ZNF66: variants seen among roughly 807,000 people sequenced by gnomAD.
The protein encoded by ZNF66 is putative zinc finger protein 66.
A neutral mutation model predicts 35.2 loss-of-function variants in ZNF66; 32 were observed. That is an observed-to-expected ratio of 0.91 (90% CI 0.69 to 1.22). The LOEUF (loss-of-function observed/expected upper bound fraction) is 1.22, where lower values mean the gene tolerates loss of function less well. ZNF66 is among the 50% of genes most tolerant of loss of function. The probability of loss-of-function intolerance (pLI) is 0.00; values close to 1 mark genes in which losing one functional copy is unlikely to be tolerated. For synonymous variants in ZNF66, 231 were observed against 181.3 expected, an observed-to-expected ratio of 1.27 and a Z score of -2.20; for missense variants, 666 against 543.1, an observed-to-expected ratio of 1.23 and a Z score of -2.25.
At chr19:20,789,105 T>C (rs773940712) in intron 1 of ZNF66, among the ~76,000 whole-genome samples, 2 of 152,030 alleles carry the variant, frequency 1.3e-5, no homozygotes, top group Non-Finnish European at 2.9e-5. Flanking sequence ...TTAAATTGCG[T>C]ATTAGTATGT....
At chr19:20,794,150 T>G in intron 3 of ZNF66, 1 of 541,772 alleles carries the variant, frequency 1.8e-6, no homozygotes, top group Non-Finnish European at 3.4e-6. Context: ...GTCCTCTTCA[T>G]GACATATAAG....
chr19:20,792,264 C>G (rs1971344822), intron 1 of ZNF66, among the ~76,000 whole-genome samples: 1 of 148,232 alleles, frequency 6.7e-6, no homozygotes, highest in Non-Finnish European at 1.5e-5. Flanking sequence ...TGTTCATGCC[C>G]TTAATTTTAT....
At chr19:20,800,820 G>A (rs930920032) in intron 3 of ZNF66, among the ~76,000 whole-genome samples, 1 of 152,018 alleles carries the variant, frequency 6.6e-6, no homozygotes, top group Non-Finnish European at 1.5e-5. Context: ...CTCAAGTATT[G>A]CTCTATATGC....
At position 20,808,026 on chromosome 19, in the gene ZNF66, C is replaced by T. The variant is rs1482361846; in HGVS notation, c.*704C>T. On this transcript the variant is annotated 3_prime_UTR_variant, in exon 4 of 4. Transcript: ENST00000344519. ...CTCCCACCCTAATACTGCGCAATTC[C>T]AATGGGCTTAAAAAATGGCACACCA... Among the ~76,000 whole-genome samples, 2 of 152,168 alleles carry T rather than the reference C, an allele frequency of 1.3e-5. No homozygotes were observed. Among genetic ancestry groups the T allele is most frequent in the Non-Finnish European group, 1.5e-5 (1 of 68,028 alleles).
intron 1 of ZNF66, among the ~76,000 whole-genome samples, chr19:20,778,928 G>A (rs1401062278): frequency 6.6e-6 from 1 of 151,738 alleles, no homozygotes; most frequent in Non-Finnish European, 1.5e-5. Context: ...CTTGAACCTA[G>A]TGACTCCAAG....
Position 20,792,633 on chromosome 19 carries a change from T to C in ZNF66, c.125T>C (p.Phe42Ser). 7.1e-7 allele frequency: 1 copy of C among 1,411,120 alleles called. No homozygotes were observed. The highest frequency in any genetic ancestry group is 9.9e-7 in the Non-Finnish European group (1 of 1,011,932). 87.4% of individuals were successfully genotyped at this position (1,411,120 alleles called of 1,614,324 possible). Residue 42 changes from phenylalanine (F) to serine (S), a missense_variant, in exon 2 of 4, where the codon TTT (phenylalanine) becomes TCT (serine). By Grantham distance (155) the Phe-to-Ser change is radical (BLOSUM62 -2). Coordinates refer to ENST00000344519, the MANE Select transcript of ZNF66 (RefSeq NM_001355197.2). The part of the protein sequence containing the change: ...VMLENYRNLV[F>S]LGIVVSKPDL... ...TTAGAGAACTACAGAAACCTGGTCT[T>C]TCTTGGTGAGAAAAACTTTAATACA...
intron 3 of ZNF66, among the ~76,000 whole-genome samples, chr19:20,798,754 T>G (rs947912725): frequency 7.2e-5 from 11 of 152,182 alleles, no homozygotes; most frequent in African/African-American, 2.4e-4. Context: ...ACTTAAGATA[T>G]CTCATATAAG....
chr19:20,788,120 G>T (rs1258534722), intron 1 of ZNF66, among the ~76,000 whole-genome samples: 1 of 152,178 alleles, frequency 6.6e-6, no homozygotes, highest in Non-Finnish European at 1.5e-5. Context: ...CCAGATGAGA[G>T]TTTCTCCAGT....
chr19:20,803,024 A>G (rs766378432), intron 3 of ZNF66, among the ~76,000 whole-genome samples: 3 of 151,504 alleles, frequency 2.0e-5, no homozygotes, highest in Non-Finnish European at 4.4e-5. Context: ...AGCTTGTGTA[A>G]TATTATTTTG....
rs142052913 is a variant in ZNF66 at position 20,797,189 on chromosome 19, A to ATT, written c.226+3346_226+3347dup. 3.9e-3 allele frequency among the ~76,000 whole-genome samples: 177 copies of ATT among 45,468 alleles called. 55 individuals are homozygous for ATT. The highest frequency in any genetic ancestry group is 0.034 in the Middle Eastern group (2 of 58). The allele number at this position is 45,468 out of a possible 152,430, so 29.8% of individuals were successfully genotyped here. On this transcript the variant is annotated intron_variant, in intron 3 of 3. Coordinates refer to ENST00000344519, the MANE Select transcript of ZNF66 (RefSeq NM_001355197.2). Reference sequence around the variant, plus strand: ...ATAATGCATCAATGTTGCATGCTAGATTTTTTTTTTTTTTTTTTTTTTTTT... The same window carrying ATT: ...ATAATGCATCAATGTTGCATGCTAGATTTTTTTTTTTTTTTTTTTTTTTTTTT...
chr19:20,785,449 T>C (rs1171885545), intron 1 of ZNF66, among the ~76,000 whole-genome samples: 1 of 152,228 alleles, frequency 6.6e-6, no homozygotes, highest in Non-Finnish European at 1.5e-5. Context: ...TCTGAAGATG[T>C]GGAAAGTTTA....
At chr19:20,801,148 C>T (rs1971443887) in intron 3 of ZNF66, among the ~76,000 whole-genome samples, 1 of 151,214 alleles carries the variant, frequency 6.6e-6, no homozygotes, top group South Asian at 2.1e-4. Flanking sequence ...ATAATTATGA[C>T]CACCTTACTC....
At chr19:20,798,431 C>G (rs4389267) in intron 3 of ZNF66, among the ~76,000 whole-genome samples, 57,527 of 151,514 alleles carry the variant, frequency 0.38, 11,539 homozygotes, top group East Asian at 0.46. Context: ...AGACTCTCCT[C>G]TATAAAAAAA....
chr19:20,777,636 A>G (rs1389300368), intron 1 of ZNF66, among the ~76,000 whole-genome samples: 5 of 151,404 alleles, frequency 3.3e-5, no homozygotes, highest in Middle Eastern at 3.2e-3. Flanking sequence ...TATTATTATT[A>G]TTATTTTTTG....
At chr19:20,780,987 A>C (rs1971240570) in intron 1 of ZNF66, among the ~76,000 whole-genome samples, 1 of 152,120 alleles carries the variant, frequency 6.6e-6, no homozygotes, top group Non-Finnish European at 1.5e-5. Context: ...TTTTGACCCT[A>C]GTGTTTCTTG....
chr19:20,784,164 A>G (rs1345872335), intron 1 of ZNF66, among the ~76,000 whole-genome samples: 1 of 152,176 alleles, frequency 6.6e-6, no homozygotes, highest in African/African-American at 2.4e-5. Context: ...TTTCTACAAT[A>G]TTATGAATAT....
At position 20,797,189 on chromosome 19, in the gene ZNF66, ATTTTTTTTTTTTTTTTT is replaced by A. The variant is rs142052913; in HGVS notation, c.226+3331_226+3347del. Among the ~76,000 whole-genome samples the A allele has an allele frequency of 3.1e-3, 140 of 45,484 alleles. 7 individuals are homozygous for A. The South Asian group carries it at 0.065, about 21-fold the overall frequency. 29.8% of individuals were successfully genotyped at this position (45,484 alleles called of 152,430 possible). A position where few individuals can be genotyped will look rare whatever the true frequency, so the allele number is the denominator to read the frequency against. The stretch of plus-strand genomic sequence containing the variant: ...ATAATGCATCAATGTTGCATGCTAG[ATTTTTTTTTTTTTTTTT>A]TTTTTTTTTTTTTTTTTTTGAGACG... On this transcript the variant is annotated intron_variant, in intron 3 of 3. Coordinates refer to ENST00000344519, the MANE Select transcript of ZNF66 (RefSeq NM_001355197.2).
rs1971556295 is a variant in ZNF66, at chr19:20,808,882, A to T, written c.*1560A>T. ...ATGAGTTGAGAGAAGAAGGCTTCAG[A>T]CGATCAAACTACTCCGAGCTACAGG... On this transcript the variant is annotated 3_prime_UTR_variant, in exon 4 of 4. Coordinates refer to ENST00000344519, the MANE Select transcript of ZNF66 (RefSeq NM_001355197.2). Among the ~76,000 whole-genome samples, 1 of 152,114 alleles carries T rather than the reference A, an allele frequency of 6.6e-6. No homozygotes were observed. The highest frequency in any genetic ancestry group is 1.5e-5 in the Non-Finnish European group (1 of 68,018).
chr19:20,793,856 T>C lies in ZNF66; in HGVS notation c.204T>C (p.His68=), dbSNP rs775903142. 2.6e-5 allele frequency: 31 copies of C among 1,183,246 alleles called. No individual in the cohort carries two copies. The highest frequency in any genetic ancestry group is 1.8e-5 in the Non-Finnish European group (15 of 841,406). The allele number at this position is 1,183,246 out of a possible 1,614,324, so 73.3% of individuals were successfully genotyped here. A position where few individuals can be genotyped will look rare whatever the true frequency, so the allele number is the denominator to read the frequency against. Residue 68 remains histidine (H), a synonymous_variant, in exon 3 of 4, where the codon CAT becomes CAC. Coordinates refer to ENST00000344519, the MANE Select transcript of ZNF66 (RefSeq NM_001355197.2). ...AAAAACCTTCGACTATGCAGAGACA[T>C]GAGATGGTAGCCAACCCCTCAGGTA... ...QGKKPSTMQR[H]EMVANPSVLC... is the part of the protein sequence containing the mutation.
Sources: gnomAD v4.1 joint callset for allele counts (sites outside exome capture counted in the v4.1 genomes callset) on GRCh38, gnomAD v4.1.1 for gene constraint, MANE v1.5 for transcripts, NCBI Gene and HGNC (gene_info 2026-07-23, HGNC 2026-07-21) for gene names.